Variants in KCNAB1 observed in about 807,000 individuals in gnomAD.
KCNAB1 encodes the protein voltage-gated potassium channel subunit beta-1.
Under a neutral mutation model 64.6 loss-of-function variants are expected in KCNAB1, and 35 were observed. The observed-to-expected ratio is 0.54, with a 90% CI of 0.41 to 0.72. KCNAB1 has a LOEUF of 0.72. Among genes scored for constraint, KCNAB1 ranks in the 30% least tolerant of loss-of-function variants. The pLI is 0.00. For missense variants in KCNAB1, 401 were observed against 512.9 expected (o/e 0.78, Z 2.11); for synonymous variants, 177 against 183.8 (o/e 0.96, Z 0.30).
intron 8 of KCNAB1, among the ~76,000 whole-genome samples, chr3:156,477,895 G>T (rs1455699079): frequency 6.6e-6 from 1 of 152,172 alleles, no homozygotes; most frequent in Non-Finnish European, 1.5e-5. Context: ...ATGTTGTTGA[G>T]AGTCACCTTT....
chr3:156,177,422 G>C (rs1712459938), intron 1 of KCNAB1, among the ~76,000 whole-genome samples: 1 of 152,146 alleles, frequency 6.6e-6, no homozygotes, highest in Non-Finnish European at 1.5e-5. Context: ...TGTCGCCGAG[G>C]CTGGAGTGCA....
chr3:156,450,913 T>G (rs561385582), intron 2 of KCNAB1, among the ~76,000 whole-genome samples: 269 of 150,106 alleles, frequency 1.8e-3, no homozygotes, highest in Non-Finnish European at 3.2e-3. Flanking sequence ...ATAATAATTG[T>G]TTTTTAGGAG....
rs1348308004 is a variant in KCNAB1 at position 156,408,782 on chromosome 3, TA to T, written c.276-12823del. 1.1e-3 allele frequency among the ~76,000 whole-genome samples: 150 copies of T among 140,976 alleles called. 2 individuals are homozygous for T. Among genetic ancestry groups the T allele is most frequent in the African/African-American group, 3.1e-3 (121 of 38,444 alleles). The allele number at this position is 140,976 out of a possible 152,430, so 92.5% of individuals were successfully genotyped here. On this transcript the variant is annotated intron_variant, in intron 1 of 13. Coordinates refer to ENST00000490337, the MANE Select transcript of KCNAB1 (RefSeq NM_172160.3). ...GTGACAGAGTGAGACTCCATCTCCA[TA>T]AAAAAAAAAATAAAATAAAATAAAT...
chr3:156,516,581 T>A (rs986765094), intron 11 of KCNAB1, among the ~76,000 whole-genome samples: 5 of 152,246 alleles, frequency 3.3e-5, no homozygotes, highest in Non-Finnish European at 7.3e-5. Context: ...GAATATTCTC[T>A]TCTTCTGGGG....
At chr3:156,363,580 A>G (rs995922300) in intron 1 of KCNAB1, among the ~76,000 whole-genome samples, 1 of 151,624 alleles carries the variant, frequency 6.6e-6, no homozygotes, top group African/African-American at 2.4e-5. Context: ...GGTTCAAGAG[A>G]TTCTGTTGCC....
At chr3:156,329,425 C>T (rs1723187599) in intron 1 of KCNAB1, among the ~76,000 whole-genome samples, 1 of 152,134 alleles carries the variant, frequency 6.6e-6, no homozygotes, top group Non-Finnish European at 1.5e-5. Flanking sequence ...ATCTACTGAA[C>T]TCTTCTACAT....
intron 8 of KCNAB1, among the ~76,000 whole-genome samples, chr3:156,484,320 C>T: frequency 6.6e-6 from 1 of 152,036 alleles, no homozygotes; most frequent in East Asian, 1.9e-4. Flanking sequence ...CAAAAGGATG[C>T]TTTTTTCTTC....
At chr3:156,253,663 C>T (rs1394425210) in intron 1 of KCNAB1, among the ~76,000 whole-genome samples, 3 of 152,172 alleles carry the variant, frequency 2.0e-5, no homozygotes, top group Non-Finnish European at 4.4e-5. Flanking sequence ...TCAGCTTCTT[C>T]CCTGAACCTA....
At chr3:156,153,107 T>TAAA (rs1243995295) in intron 1 of KCNAB1, among the ~76,000 whole-genome samples, 1 of 152,016 alleles carries the variant, frequency 6.6e-6, no homozygotes, top group African/African-American at 2.4e-5. Flanking sequence ...AATAAATAAA[T>TAAA]TATTAAGCAG....
At chr3:156,493,327 A>T (rs1431069707) in intron 8 of KCNAB1, among the ~76,000 whole-genome samples, 1 of 152,124 alleles carries the variant, frequency 6.6e-6, no homozygotes, top group African/African-American at 2.4e-5. Context: ...AGAAAATATT[A>T]CTATTTCTAT....
intron 1 of KCNAB1, among the ~76,000 whole-genome samples, chr3:156,391,829 G>A (rs937330586): frequency 3.9e-5 from 6 of 152,210 alleles, no homozygotes; most frequent in Non-Finnish European, 7.3e-5. Context: ...TGGCACAGAG[G>A]AGGGGCAGAG....
At chr3:156,362,645 CAG>C (rs891857935) in intron 1 of KCNAB1, among the ~76,000 whole-genome samples, 2 of 152,082 alleles carry the variant, frequency 1.3e-5, no homozygotes, top group Admixed American at 6.6e-5. Flanking sequence ...GTGTGGGACA[CAG>C]AACTGATAAT....
chr3:156,491,831 G>GA (rs1715653289), intron 8 of KCNAB1, among the ~76,000 whole-genome samples: 1 of 151,954 alleles, frequency 6.6e-6, no homozygotes, highest in South Asian at 2.1e-4. Flanking sequence ...ATTCCTTGAT[G>GA]AAAAAATAGG....
chr3:156,325,168 A>G (rs1354725672), intron 1 of KCNAB1, among the ~76,000 whole-genome samples: 1 of 152,196 alleles, frequency 6.6e-6, no homozygotes, highest in Non-Finnish European at 1.5e-5. Flanking sequence ...CCTGTCTTAC[A>G]TATGAGAAAA....
chr3:156,164,491 G>A (rs2108314759), intron 1 of KCNAB1, among the ~76,000 whole-genome samples: 1 of 152,278 alleles, frequency 6.6e-6, no homozygotes, highest in Non-Finnish European at 1.5e-5. Context: ...CCTGCAGGGA[G>A]AGACCATGTT....
At chr3:156,302,361 T>A (rs536319869) in intron 1 of KCNAB1, among the ~76,000 whole-genome samples, 139 of 152,246 alleles carry the variant, frequency 9.1e-4, no homozygotes, top group African/African-American at 3.2e-3. Context: ...TAGACGTCTT[T>A]CATGGGCCAG....
intron 1 of KCNAB1, among the ~76,000 whole-genome samples, chr3:156,166,528 TATACACAC>T (rs988251709): frequency 4.5e-4 from 65 of 145,188 alleles, no homozygotes; most frequent in Non-Finnish European, 8.4e-4. Flanking sequence ...AAAATACATA[TATACACAC>T]ACACACACAC....
intron 1 of KCNAB1, among the ~76,000 whole-genome samples, chr3:156,374,644 T>C (rs1032139124): frequency 7.4e-6 from 1 of 134,998 alleles, no homozygotes; most frequent in African/African-American, 3.3e-5. Flanking sequence ...CCTTTGCCCT[T>C]CCCACTAGCG....
At chr3:156,416,182 C>G (rs1348293544) in intron 1 of KCNAB1, among the ~76,000 whole-genome samples, 1 of 152,198 alleles carries the variant, frequency 6.6e-6, no homozygotes, top group Non-Finnish European at 1.5e-5. Flanking sequence ...AAGCAGCCAT[C>G]TAGCTCCTCT....
Sources: allele counts gnomAD v4.1 joint callset (sites outside exome capture counted in the v4.1 genomes callset), GRCh38; gene constraint gnomAD v4.1.1; transcripts MANE v1.5; gene names NCBI Gene and HGNC (gene_info 2026-07-23, HGNC 2026-07-21).